DNAH7: variants seen among roughly 807,000 people sequenced by gnomAD.
DNAH7 encodes dynein axonemal heavy chain 7.
DNAH7 carries 397 observed loss-of-function variants against 444.6 expected under a neutral mutation model. That is an observed-to-expected ratio of 0.89 (90% confidence interval 0.82 to 0.97). The LOEUF is 0.97. Ranked by LOEUF, DNAH7 falls within the 50% of genes least tolerant of loss-of-function variation. The pLI is 0.00. For missense variants in DNAH7, 4,902 were observed against 4,800.8 expected (o/e 1.02, Z -0.62); for synonymous variants, 1,636 against 1,624.4 (o/e 1.01, Z -0.17).
chr2:195,934,559 C>A (rs759288194), intron 21 of DNAH7, 32 bp downstream of exon 21: 1 of 1,594,116 alleles, frequency 6.3e-7, no homozygotes, highest in South Asian at 1.1e-5. Flanking sequence ...TTCTAGCATC[C>A]TTTTCTAAAA....
In DNAH7 at chr2:196,037,783, A is replaced by G. The variant is rs535113862; in HGVS notation, c.398+9569T>C. Among the ~76,000 whole-genome samples the G allele has an allele frequency of 2.6e-5, 4 of 152,330 alleles. No individual in the cohort carries two copies. The East Asian group carries it at 7.7e-4, about 29-fold the overall frequency. ...ATATTGAAATTTGGCAAGTTCCAGAAGGAGAAAAGATGGGGAAAAGCATAG... is the reference window on the plus strand; with the variant it reads ...ATATTGAAATTTGGCAAGTTCCAGAGGGAGAAAAGATGGGGAAAAGCATAG... On this transcript the variant is annotated intron_variant, in intron 5 of 64. Coordinates refer to ENST00000312428, the MANE Select transcript of DNAH7 (RefSeq NM_018897.3).
At chr2:195,944,854 T>G (rs1451013018) in intron 19 of DNAH7, among the ~76,000 whole-genome samples, 1 of 152,064 alleles carries the variant, frequency 6.6e-6, no homozygotes, top group Non-Finnish European at 1.5e-5. Flanking sequence ...ATTTCTCCAG[T>G]GCTTTTTAAA....
At chr2:195,844,115 A>G (rs1277894114) in intron 47 of DNAH7, among the ~76,000 whole-genome samples, 1 of 151,820 alleles carries the variant, frequency 6.6e-6, no homozygotes, top group Non-Finnish European at 1.5e-5. Flanking sequence ...CAAAAAACCC[A>G]AAAACCATAT....
chr2:195,757,128 C>G (rs1694115035), intron 61 of DNAH7, among the ~76,000 whole-genome samples: 1 of 152,190 alleles, frequency 6.6e-6, no homozygotes, highest in African/African-American at 2.4e-5. Flanking sequence ...GCACCTGCAC[C>G]TGAGCTAACC....
chr2:195,738,412 T>A (rs1574336217), intron 64 of DNAH7, among the ~76,000 whole-genome samples: 1 of 150,270 alleles, frequency 6.7e-6, no homozygotes. Flanking sequence ...CTTACAATGA[T>A]AAAAAAAAAA....
chr2:195,891,858 A>T (rs1248593057), intron 30 of DNAH7, 54 bp from the exon 31 acceptor site: 1 of 1,384,090 alleles, frequency 7.2e-7, no homozygotes, highest in Non-Finnish European at 9.7e-7. Context: ...CTTTATTCAT[A>T]GAAAACATTA....
intron 63 of DNAH7, among the ~76,000 whole-genome samples, chr2:195,749,395 T>G (rs2105897723): frequency 1.3e-5 from 2 of 151,832 alleles, no homozygotes; most frequent in South Asian, 4.2e-4. Context: ...GACTGTAAAC[T>G]AGTTCAACCA....
chr2:195,935,636 T>C (rs918684194), intron 20 of DNAH7, among the ~76,000 whole-genome samples: 1 of 151,906 alleles, frequency 6.6e-6, no homozygotes, highest in Admixed American at 6.6e-5. Context: ...AATTACAGAG[T>C]ATGCCAGATG....
chr2:195,870,804 C>T (rs1700636463), intron 40 of DNAH7, among the ~76,000 whole-genome samples: 3 of 152,174 alleles, frequency 2.0e-5, no homozygotes, highest in African/African-American at 7.2e-5. Context: ...TTGAACTTTC[C>T]AGCCTCCAGA....
At chr2:195,848,904 C>T (rs1218316854) in intron 46 of DNAH7, among the ~76,000 whole-genome samples, 4 of 152,238 alleles carry the variant, frequency 2.6e-5, no homozygotes, top group East Asian at 3.9e-4. Context: ...AAGAATTCTG[C>T]GTTTTTAACT....
At chr2:195,910,488 G>T (rs144366508) in intron 24 of DNAH7, among the ~76,000 whole-genome samples, 1 of 151,956 alleles carries the variant, frequency 6.6e-6, no homozygotes, top group South Asian at 2.1e-4. Context: ...CCCCTAATTC[G>T]CCAACTGTAA....
chr2:195,867,516 C>T lies in DNAH7; in HGVS notation c.6634-2495G>A, dbSNP rs530157150. Among the ~76,000 whole-genome samples the T allele has an allele frequency of 6.8e-4, 103 of 152,272 alleles. 1 individual carries two copies. Among genetic ancestry groups the T allele is most frequent in the Non-Finnish European group, 1.2e-3 (79 of 68,018 alleles). ...TCAGAATATTCACAAAGTTGTGCAA[C>T]CATCACAACTATCTCCCTCCAGAAC... On this transcript the variant is annotated intron_variant, in intron 40 of 64. Coordinates refer to ENST00000312428, the MANE Select transcript of DNAH7 (RefSeq NM_018897.3).
intron 63 of DNAH7, among the ~76,000 whole-genome samples, chr2:195,750,345 G>A (rs1693723017): frequency 6.6e-6 from 1 of 152,050 alleles, no homozygotes; most frequent in African/African-American, 2.4e-5. Flanking sequence ...GAAGCTTTTG[G>A]CAATGCTTAT....
intron 2 of DNAH7, among the ~76,000 whole-genome samples, chr2:196,053,943 C>T (rs1036788316): frequency 2.6e-5 from 4 of 152,166 alleles, no homozygotes; most frequent in Non-Finnish European, 4.4e-5. Flanking sequence ...CCATGAAGCC[C>T]ATGTGTTCCC....
intron 63 of DNAH7, among the ~76,000 whole-genome samples, chr2:195,749,788 C>A (rs1276255048): frequency 7.1e-6 from 1 of 141,662 alleles, no homozygotes; most frequent in East Asian, 2.1e-4. Flanking sequence ...ACAATGAGGA[C>A]ACATGGACAC....
intron 17 of DNAH7, among the ~76,000 whole-genome samples, chr2:195,965,916 T>A (rs1362206736): frequency 1.3e-5 from 2 of 151,312 alleles, no homozygotes; most frequent in Non-Finnish European, 3.0e-5. Flanking sequence ...ACTTTTCATA[T>A]CATTAATTTT....
intron 5 of DNAH7, among the ~76,000 whole-genome samples, chr2:196,030,919 T>C (rs1175778857): frequency 6.6e-6 from 1 of 152,192 alleles, no homozygotes; most frequent in African/African-American, 2.4e-5. Flanking sequence ...TGTCAGTGGA[T>C]CTACCATGCT....
At chr2:195,913,716 G>C (rs1687496150) in intron 24 of DNAH7, among the ~76,000 whole-genome samples, 1 of 149,008 alleles carries the variant, frequency 6.7e-6, no homozygotes, top group African/African-American at 2.5e-5. Flanking sequence ...TGCTGTTGTT[G>C]TTTGGTTTTT....
At chr2:195,898,175 C>A (rs1229157224) in intron 28 of DNAH7, among the ~76,000 whole-genome samples, 1 of 152,120 alleles carries the variant, frequency 6.6e-6, no homozygotes, top group East Asian at 1.9e-4. Context: ...AAATTTAAAA[C>A]ATATAAACAT....
Sources: gnomAD v4.1 joint callset for allele counts (sites outside exome capture counted in the v4.1 genomes callset) on GRCh38, gnomAD v4.1.1 for gene constraint, MANE v1.5 for transcripts, NCBI Gene and HGNC (gene_info 2026-07-23, HGNC 2026-07-21) for gene names.